Variants in LGR6 observed in about 807,000 individuals in gnomAD.
The protein encoded by LGR6 is leucine-rich repeat-containing G protein-coupled receptor 6.
In LGR6, 45 loss-of-function variants were observed where a neutral mutation model predicts 69.4. The observed-to-expected ratio is 0.65, with a 90% CI of 0.51 to 0.83. The LOEUF is 0.83. Ranked by LOEUF, LGR6 falls within the 40% of genes least tolerant of loss-of-function variation. The pLI is 0.00. For synonymous variants in LGR6, 538 were observed against 555.0 expected (o/e 0.97, Z 0.43); for missense variants, 1,108 against 1,246.7 (o/e 0.89, Z 1.68).
chr1:202,262,026 A>T (rs1019769366), intron 4 of LGR6, among the ~76,000 whole-genome samples: 17 of 152,022 alleles, frequency 1.1e-4, no homozygotes, highest in Non-Finnish European at 4.4e-5. Flanking sequence ...TTCTCCCATT[A>T]TGTAGGTTGC....
intron 6 of LGR6, among the ~76,000 whole-genome samples, chr1:202,291,795 G>A (rs2148222537): frequency 6.6e-6 from 1 of 152,266 alleles, no homozygotes; most frequent in South Asian, 2.1e-4. Context: ...GGTTGGCATG[G>A]CAATTAAATG....
intron 9 of LGR6, among the ~76,000 whole-genome samples, chr1:202,302,877 A>G (rs1308321934): frequency 6.6e-6 from 1 of 152,070 alleles, no homozygotes; most frequent in African/African-American, 2.4e-5. Flanking sequence ...AAGTTCCAGC[A>G]GATGACAATT....
chr1:202,305,315 A>G (rs965594133), intron 11 of LGR6, among the ~76,000 whole-genome samples: 3 of 152,180 alleles, frequency 2.0e-5, no homozygotes, highest in African/African-American at 4.8e-5. Context: ...TGCCAGCTCC[A>G]TAAATGGTGA....
intron 16 of LGR6, among the ~76,000 whole-genome samples, chr1:202,312,284 C>CA (rs1183552484): frequency 2.0e-5 from 3 of 152,238 alleles, no homozygotes; most frequent in African/African-American, 7.2e-5. Flanking sequence ...TTCCCAGCCT[C>CA]AGACAGAGTC....
At chr1:202,242,519 G>C (rs1312729663) in intron 4 of LGR6, among the ~76,000 whole-genome samples, 1 of 152,158 alleles carries the variant, frequency 6.6e-6, no homozygotes, top group African/African-American at 2.4e-5. Flanking sequence ...ATGCATAGAG[G>C]TACAGGAACT....
At chr1:202,271,930 A>G (rs1467841728) in intron 4 of LGR6, among the ~76,000 whole-genome samples, 1 of 152,048 alleles carries the variant, frequency 6.6e-6, no homozygotes, top group Non-Finnish European at 1.5e-5. Context: ...TCTCCCTCTA[A>G]GGGGGTGTTT....
intron 1 of LGR6, among the ~76,000 whole-genome samples, chr1:202,196,184 G>A (rs569731703): frequency 1.1e-4 from 17 of 152,268 alleles, no homozygotes; most frequent in African/African-American, 4.1e-4. Context: ...ATATTGGAAG[G>A]AGGTGGCAGA....
intron 6 of LGR6, among the ~76,000 whole-genome samples, chr1:202,291,871 T>C (rs1185299711): frequency 6.6e-6 from 1 of 152,230 alleles, no homozygotes; most frequent in Non-Finnish European, 1.5e-5. Flanking sequence ...CCTCTATTAT[T>C]ACCATTGTAA....
rs543764957 is a variant in LGR6, at chr1:202,261,078, T to TTTA, written c.429-15208_429-15206dup. Among the ~76,000 whole-genome samples the TTTA allele has an allele frequency of 1.4e-3, 216 of 151,420 alleles. 1 individual carries two copies. Among genetic ancestry groups the TTTA allele is most frequent in the African/African-American group, 3.6e-3 (148 of 41,376 alleles). On this transcript the variant is annotated intron_variant, in intron 4 of 17. Transcript: ENST00000367278. ...ATTCTTTCAGCTCTAATGTTTTCTT[T>TTTA]TTATTATTATTATTATTATTATACT...
Position 202,307,390 on chromosome 1 carries a change from C to T in LGR6, c.1269C>T (p.Ser423=), listed in dbSNP as rs147671110. Residue 423 remains serine (S), a synonymous_variant, in exon 14 of 18, where the codon TCC becomes TCT. Coordinates refer to ENST00000367278, the MANE Select transcript of LGR6 (RefSeq NM_001017403.2). ...CCGAGGCCTTCTCCACCCTGCACTC[C>T]CTGGTCAAGCTGTAAGTGCCTGCTG... is the stretch of plus-strand genomic sequence containing the variant. ...IHPEAFSTLH[S]LVKLDLTDNQ... 101 of 1,614,036 alleles carry T rather than the reference C, an allele frequency of 6.3e-5. 2 individuals are homozygous for T. The African/African-American group carries it at 1.2e-3, about 19-fold the overall frequency.
intron 1 of LGR6, among the ~76,000 whole-genome samples, chr1:202,197,766 A>G (rs1201313526): frequency 6.6e-6 from 1 of 152,248 alleles, no homozygotes; most frequent in Non-Finnish European, 1.5e-5. Flanking sequence ...TGTGCACATG[A>G]TGCAGAGACA....
chr1:202,237,644 G>C (rs955260716), intron 4 of LGR6, among the ~76,000 whole-genome samples: 3 of 152,302 alleles, frequency 2.0e-5, no homozygotes, highest in African/African-American at 7.2e-5. Context: ...CTGGGAAGTG[G>C]GCAGCCCTTG....
At chr1:202,312,349 G>A (rs1653809859) in intron 16 of LGR6, among the ~76,000 whole-genome samples, 1 of 152,230 alleles carries the variant, frequency 6.6e-6, no homozygotes, top group Non-Finnish European at 1.5e-5. Flanking sequence ...AAGAATTGCT[G>A]AACTTCTTTC....
intron 7 of LGR6, among the ~76,000 whole-genome samples, chr1:202,300,615 G>T (rs956735213): frequency 1.3e-5 from 2 of 149,744 alleles, no homozygotes; most frequent in African/African-American, 2.5e-5. Flanking sequence ...AGCCAAGATC[G>T]CATCATTGCA....
intron 4 of LGR6, among the ~76,000 whole-genome samples, chr1:202,260,163 C>T (rs1043023130): frequency 5.9e-5 from 9 of 152,214 alleles, no homozygotes; most frequent in South Asian, 2.1e-4. Context: ...CTCAGCCTCC[C>T]GAGTAGCTGG....
intron 1 of LGR6, among the ~76,000 whole-genome samples, chr1:202,205,832 CACACACACCTCCTTCAA>C (rs1461921102): frequency 1.5e-4 from 18 of 122,156 alleles, no homozygotes; most frequent in Non-Finnish European, 3.0e-4. Flanking sequence ...CACACCCCAA[CACACACACCTCCTTCAA>C]ACACACACCT....
chr1:202,214,266 C>T lies in LGR6; in HGVS notation c.213-11157C>T, dbSNP rs199949491. The stretch of plus-strand genomic sequence containing the variant: ...GGCTTGGGGGAAGGGTGCCGAGCTC[C>T]GGAAAGTTCCACAGGTCCTCCGCAG... On this transcript the variant is annotated intron_variant, in intron 1 of 17. Transcript: ENST00000367278. The T allele has an allele frequency of 2.1e-4, 319 of 1,516,884 alleles. 2 individuals carry two copies. In the Middle Eastern group the frequency reaches 4.5e-3, roughly 21 times the overall value. 94.0% of individuals were successfully genotyped at this position (1,516,884 alleles called of 1,614,324 possible).
chr1:202,217,587 C>T (rs1659871561), intron 1 of LGR6, among the ~76,000 whole-genome samples: 1 of 152,198 alleles, frequency 6.6e-6, no homozygotes, highest in African/African-American at 2.4e-5. Context: ...GGGTGCCCAG[C>T]ATCTCCCTGG....
chr1:202,218,631 A>G (rs991696971), intron 1 of LGR6, among the ~76,000 whole-genome samples: 4 of 152,164 alleles, frequency 2.6e-5, no homozygotes, highest in African/African-American at 9.7e-5. Flanking sequence ...AGAACTGCTC[A>G]TCCACAATGC....
Sources: allele counts gnomAD v4.1 joint callset (sites outside exome capture counted in the v4.1 genomes callset), GRCh38; gene constraint gnomAD v4.1.1; transcripts MANE v1.5; gene names NCBI Gene and HGNC (gene_info 2026-07-23, HGNC 2026-07-21).